The following TMPRSS3 variants were observed in gnomAD, a reference collection of about 807,000 sequenced individuals.
The protein encoded by TMPRSS3 is transmembrane protease serine 3.
In TMPRSS3, 55 loss-of-function variants were observed where a neutral mutation model predicts 59.6. The observed-to-expected ratio is 0.92, with a 90% confidence interval of 0.74 to 1.16. TMPRSS3 has a LOEUF of 1.16. Ranked by LOEUF, TMPRSS3 falls within the 50% of genes most tolerant of loss-of-function variation. TMPRSS3 has a pLI of 0.00. For synonymous variants in TMPRSS3, 257 were observed against 237.7 expected (o/e 1.08, Z -0.75); for missense variants, 596 against 579.4 (o/e 1.03, Z -0.29).
chr21:42,382,172 G>A lies in TMPRSS3; in HGVS notation c.845C>T (p.Ala282Val), dbSNP rs749465715. Reference sequence around the variant, plus strand: ...AATCTTCTCCACCAAGTGGGATGGGGCTGGATTGTCCAACAGGGAAACTAG... The same window carrying A: ...AATCTTCTCCACCAAGTGGGATGGGACTGGATTGTCCAACAGGGAAACTAG... ...VGLVSLLDNP[A>V]PSHLVEKIVY... Residue 282 changes from alanine to valine, a missense_variant, in exon 9 of 13, where the codon GCC (alanine) becomes GTC (valine). By Grantham distance (64) the Ala-to-Val change is moderately conservative. Coordinates refer to ENST00000644384, the MANE Select transcript of TMPRSS3 (RefSeq NM_001256317.3). The A allele has an allele frequency of 6.2e-7, 1 of 1,614,204 alleles. No homozygotes were observed. The highest frequency in any genetic ancestry group is 1.1e-5 in the South Asian group (1 of 91,088).
intron 8 of TMPRSS3, 64 bp downstream of exon 8, chr21:42,382,969 C>A: frequency 2.5e-6 from 4 of 1,603,650 alleles, no homozygotes; most frequent in South Asian, 1.1e-5. Flanking sequence ...CCACCCAAAG[C>A]AGCCCCACCC....
At chr21:42,384,146 A>T in intron 6 of TMPRSS3, 133 bp from the exon 7 acceptor site, 5 of 739,136 alleles carry the variant, frequency 6.8e-6, no homozygotes, top group Non-Finnish European at 1.1e-5. Flanking sequence ...TTACAATTTT[A>T]GTCTATGTTC....
intron 10 of TMPRSS3, among the ~76,000 whole-genome samples, chr21:42,377,473 C>A (rs1044901691): frequency 3.9e-5 from 6 of 152,240 alleles, no homozygotes; most frequent in African/African-American, 7.2e-5. Flanking sequence ...CCACACTTGA[C>A]GCCAGCGCCC....
chr21:42,375,598 C>T, intron 12 of TMPRSS3, 118 bp downstream of exon 12: 1 of 1,336,008 alleles, frequency 7.5e-7, no homozygotes, highest in Non-Finnish European at 1.1e-6. Flanking sequence ...GTCACTGCTG[C>T]TGAATTGACA....
rs528710768 is a variant in TMPRSS3, at chr21:42,384,156, C to A, written c.573-143G>T. On this transcript the variant is annotated intron_variant, in intron 6 of 12. Coordinates refer to ENST00000644384, the MANE Select transcript of TMPRSS3 (RefSeq NM_001256317.3). ...ATAGATTACAATTTTAGTCTATGTT[C>A]AAAAAAAAAAAAAACCATGAGGATG... The A allele has an allele frequency of 0.029, 16,256 of 553,542 alleles. 3 individuals are homozygous for A. The highest frequency in any genetic ancestry group is 0.072 in the South Asian group (3,268 of 45,694). 34.3% of individuals were successfully genotyped at this position (553,542 alleles called of 1,614,324 possible). A position where few individuals can be genotyped will look rare whatever the true frequency, so the allele number is the denominator to read the frequency against.
intron 5 of TMPRSS3, among the ~76,000 whole-genome samples, chr21:42,386,278 C>T (rs2052632063): frequency 6.6e-6 from 1 of 152,170 alleles, no homozygotes; most frequent in Non-Finnish European, 1.5e-5. Flanking sequence ...AGCTTATCAA[C>T]AGGATTTCTT....
At chr21:42,382,416 AC>A in intron 8 of TMPRSS3, 182 bp from the exon 9 acceptor site, 1 of 645,844 alleles carries the variant, frequency 1.5e-6, no homozygotes, top group Non-Finnish European at 2.8e-6. Context: ...AGAAACACAG[AC>A]CCACACCCCA....
intron 11 of TMPRSS3, 95 bp from the exon 12 acceptor site, chr21:42,375,963 G>A: frequency 1.3e-6 from 2 of 1,541,378 alleles, no homozygotes; most frequent in Non-Finnish European, 1.8e-6. Flanking sequence ...TGCTTGCTAT[G>A]GAGTTGGGAC....
Position 42,388,581 on chromosome 21 carries a change from A to C in TMPRSS3, c.323-55T>G. The C allele has an allele frequency of 6.2e-7, 1 of 1,613,498 alleles. No individual in the cohort carries two copies. The highest frequency in any genetic ancestry group is 1.1e-5 in the South Asian group (1 of 91,050). ...TAGTGGCCAGTGGAACCCTGAGACC[A>C]TAGGCAGGGGTTTCTCCACAGCCAG... On this transcript the variant is annotated intron_variant, in intron 4 of 12. Coordinates refer to ENST00000644384, the MANE Select transcript of TMPRSS3 (RefSeq NM_001256317.3). The surrounding 1 kb of genome is among the most constrained non-coding windows in gnomAD (Gnocchi z 5.1).
At chr21:42,382,468 C>G in intron 8 of TMPRSS3, 1 of 561,720 alleles carries the variant, frequency 1.8e-6, no homozygotes, top group Admixed American at 2.8e-5. Context: ...CTGAGGTCGT[C>G]TTGGCATTTG....
rs757635909 is a variant in TMPRSS3, at chr21:42,376,533, C to A, written c.1191+8G>T. ...GCCACGGCCTCGCCCACCGCTGCGG[C>A]CCCGTACCTGGCAGCTGTCCACGCC... On this transcript the variant is annotated splice_region_variant and intron_variant, in intron 11 of 12. Coordinates refer to ENST00000644384, the MANE Select transcript of TMPRSS3 (RefSeq NM_001256317.3). 6.2e-7 allele frequency: 1 copy of A among 1,612,864 alleles called. No individual in the cohort carries two copies. The highest frequency in any genetic ancestry group is 1.7e-5 in the Admixed American group (1 of 60,024).
chr21:42,389,848 G>T, intron 3 of TMPRSS3, 79 bp downstream of exon 3: 1 of 1,097,602 alleles, frequency 9.1e-7, no homozygotes, highest in Non-Finnish European at 1.4e-6. Flanking sequence ...CAAAATGCTG[G>T]GATGAGAGGG....
rs115798491 is a variant in TMPRSS3, at chr21:42,381,418, G to A, written c.952+647C>T. Among the ~76,000 whole-genome samples the A allele has an allele frequency of 6.9e-3, 1,046 of 152,328 alleles. 11 individuals carry two copies. The highest frequency in any genetic ancestry group is 0.024 in the African/African-American group (980 of 41,564). ...ACCACACCACCTGGCCAGCCTGGGA[G>A]GTTCTGTTTCTCAACCAAGATGGCC... On this transcript the variant is annotated intron_variant, in intron 9 of 12. Transcript: ENST00000644384.
chr21:42,388,857 A>T lies in TMPRSS3; in HGVS notation c.322+72T>A, dbSNP rs1283669301. On this transcript the variant is annotated intron_variant, in intron 4 of 12. Transcript: ENST00000644384. The surrounding 1 kb of genome is among the most constrained non-coding windows in gnomAD (Gnocchi z 5.1). Reference sequence around the variant, plus strand: ...AATGGCAATGACTTGGACCCATTTTACAGATGGGAAGGGTCAGGGTTGGCT... The same window carrying T: ...AATGGCAATGACTTGGACCCATTTTTCAGATGGGAAGGGTCAGGGTTGGCT... 38 of 1,328,932 alleles carry T rather than the reference A, an allele frequency of 2.9e-5. No homozygotes were observed. Among genetic ancestry groups the T allele is most frequent in the Middle Eastern group, 2.3e-4 (1 of 4,270 alleles). 82.3% of individuals were successfully genotyped at this position (1,328,932 alleles called of 1,614,324 possible). A position where few individuals can be genotyped will look rare whatever the true frequency, so the allele number is the denominator to read the frequency against.
rs1227897908 is a variant in TMPRSS3, at chr21:42,388,156, C to G, written c.446+247G>C. 6.6e-6 allele frequency among the ~76,000 whole-genome samples: 1 copy of G among 152,222 alleles called. No individual in the cohort carries two copies. Among genetic ancestry groups the G allele is most frequent in the Non-Finnish European group, 1.5e-5 (1 of 68,034 alleles). ...TTATTGCATGTTCGTATCTCCGATC[C>G]TGGCCTGGCCCTGGGAACCCCCAAA... On this transcript the variant is annotated intron_variant, in intron 5 of 12. Transcript: ENST00000644384. The surrounding 1 kb of genome is among the most constrained non-coding windows in gnomAD (Gnocchi z 5.1).
chr21:42,388,990 C>T lies in TMPRSS3; in HGVS notation c.261G>A (p.Glu87=). 2 of 1,614,240 alleles carry T rather than the reference C, an allele frequency of 1.2e-6. No homozygotes were observed. The highest frequency in any genetic ancestry group is 1.7e-6 in the Non-Finnish European group (2 of 1,180,044). The stretch of plus-strand genomic sequence containing the variant: ...AGACTCCGTCACATCGAGCTATCAG[C>T]TCGATACACTTAAAGGATGAGCGAC... ...YRCRSSFKCI[E]LIARCDGVSD... is the part of the protein sequence containing the mutation. Residue 87 remains glutamate, a synonymous_variant, in exon 4 of 13, where the codon GAG becomes GAA. Transcript: ENST00000644384. The surrounding 1 kb of genome is among the most constrained non-coding windows in gnomAD (Gnocchi z 5.1).
chr21:42,395,234 A>T (rs767380587), intron 2 of TMPRSS3, 90 bp downstream of exon 2: 1 of 1,103,640 alleles, frequency 9.1e-7, no homozygotes, highest in Non-Finnish European at 1.4e-6. Flanking sequence ...GGCTGGGGAG[A>T]TATTTCCCCC....
rs755415448 is a variant in TMPRSS3, at chr21:42,388,551, C to CT, written c.323-26dup. 1 of 1,614,144 alleles carries CT rather than the reference C, an allele frequency of 6.2e-7. No homozygotes were observed. The highest frequency in any genetic ancestry group is 1.1e-5 in the South Asian group (1 of 91,078). ...ACTGGCCGATGTGCAGAAAGAAAGGCTTATTAGTGGCCAGTGGAACCCTGA... is the reference window on the plus strand; with the variant it reads ...ACTGGCCGATGTGCAGAAAGAAAGGCTTTATTAGTGGCCAGTGGAACCCTGA... On this transcript the variant is annotated intron_variant, in intron 4 of 12. Transcript: ENST00000644384. The surrounding 1 kb of genome is among the most constrained non-coding windows in gnomAD (Gnocchi z 5.1).
At chr21:42,377,463 C>T (rs917709030) in intron 10 of TMPRSS3, among the ~76,000 whole-genome samples, 20 of 152,354 alleles carry the variant, frequency 1.3e-4, no homozygotes, top group African/African-American at 4.6e-4. Flanking sequence ...CCAGCACAGC[C>T]CACACTTGAC....
Sources: allele counts gnomAD v4.1 joint callset (sites outside exome capture counted in the v4.1 genomes callset), GRCh38; gene constraint gnomAD v4.1.1; non-coding constraint Gnocchi (gnomAD v3.1); transcripts MANE v1.5; gene names NCBI Gene and HGNC (gene_info 2026-07-23, HGNC 2026-07-21).